The following IGLL5 variants were observed in gnomAD, a reference collection of about 807,000 sequenced individuals.
The protein encoded by IGLL5 is immunoglobulin lambda-like polypeptide 5.
A neutral mutation model predicts 20.9 loss-of-function variants in IGLL5; 30 were observed. That is an observed-to-expected ratio of 1.44 (90% CI 1.07 to 1.95). IGLL5 has a LOEUF of 1.95. IGLL5 is among the 30% of genes most tolerant of loss of function. IGLL5 has a pLI of 0.00. For missense variants in IGLL5, 475 were observed against 270.7 expected, an observed-to-expected ratio of 1.75 and a Z score of -5.30; for synonymous variants, 203 against 117.3, an observed-to-expected ratio of 1.73 and a Z score of -4.72.
chr22:22,894,081 G>A (rs541246711), intron 2 of IGLL5, among the ~76,000 whole-genome samples: 11 of 151,406 alleles, frequency 7.3e-5, no homozygotes, highest in Middle Eastern at 3.7e-3. Context: ...CTCTTCCAGG[G>A]CAGATGTCTG....
intron 1 of IGLL5, among the ~76,000 whole-genome samples, chr22:22,888,751 AAATGCTTACTGGGGCCAGGCTC>A: frequency 6.6e-6 from 1 of 151,262 alleles, no homozygotes; most frequent in Non-Finnish European, 1.5e-5. Context: ...ACTTGCACAT[AAATGCTTACTGGGGCCAGGCTC>A]AAGGACACAG....
chr22:22,893,924 C>CACTGACAT, intron 2 of IGLL5, 106 bp downstream of exon 2: 1 of 825,252 alleles, frequency 1.2e-6, no homozygotes, highest in Admixed American at 1.8e-5. Context: ...CAGCCTTAAG[C>CACTGACAT]ACTGACCCTT....
intron 1 of IGLL5, 136 bp downstream of exon 1, chr22:22,888,395 T>G (rs565327649): frequency 1.5e-5 from 10 of 678,996 alleles, no homozygotes; most frequent in Middle Eastern, 4.2e-4. Flanking sequence ...CTGGCTTTAG[T>G]AATGGGTTGA....
intron 2 of IGLL5, among the ~76,000 whole-genome samples, chr22:22,895,032 G>T (rs534008893): frequency 6.6e-6 from 1 of 151,474 alleles, no homozygotes; most frequent in African/African-American, 2.4e-5. Context: ...GGATGGAAAT[G>T]AGGGATCCAG....
chr22:22,894,035 C>T (rs964313764), intron 2 of IGLL5, among the ~76,000 whole-genome samples: 2 of 150,390 alleles, frequency 1.3e-5, no homozygotes, highest in East Asian at 2.0e-4. Flanking sequence ...GGTCCCGGGG[C>T]CTGAGCTGGG....
chr22:22,888,565 G>T (rs2067616181), intron 1 of IGLL5, among the ~76,000 whole-genome samples: 1 of 151,260 alleles, frequency 6.6e-6, no homozygotes, highest in African/African-American at 2.4e-5. Context: ...AGGAACAGAG[G>T]CAGGGACAGG....
intron 2 of IGLL5, among the ~76,000 whole-genome samples, chr22:22,895,153 G>A (rs2066727863): frequency 6.6e-6 from 1 of 151,390 alleles, no homozygotes; most frequent in Non-Finnish European, 1.5e-5. Flanking sequence ...GCTGGGCCAG[G>A]ACACCTGTGA....
chr22:22,894,490 G>A (rs1319934657), intron 2 of IGLL5, among the ~76,000 whole-genome samples: 1 of 151,440 alleles, frequency 6.6e-6, no homozygotes, highest in Admixed American at 6.6e-5. Flanking sequence ...TCTTAGGGCA[G>A]AGATGTGTCT....
At position 22,888,238 on chromosome 22, in the gene IGLL5, G is replaced by C. The variant is rs751510190; in HGVS notation, c.185G>C (p.Ser62Thr). The C allele has an allele frequency of 3.9e-6, 6 of 1,547,914 alleles. No individual in the cohort carries two copies. Among genetic ancestry groups the C allele is most frequent in the East Asian group, 2.5e-5 (1 of 40,602 alleles). Residue 62 changes from serine (S) to threonine (T), a missense_variant, in exon 1 of 3, where the codon AGC becomes ACC. Physicochemically the swap from Ser to Thr is moderately conservative, Grantham distance 58. Transcript: ENST00000526893. ...PGASVGSSRS[S>T]LRSLWGRLLL... The stretch of plus-strand genomic sequence containing the variant: ...GCCTCAGTTGGAAGCAGCCGATCCA[G>C]CCTGCGGAGCCTGTGGGGCAGGTAA...
At chr22:22,894,039 A>C (rs2067971666) in intron 2 of IGLL5, among the ~76,000 whole-genome samples, 1 of 150,526 alleles carries the variant, frequency 6.6e-6, no homozygotes, top group African/African-American at 2.5e-5. Flanking sequence ...CCGGGGCCTG[A>C]GCTGGGATTG....
At chr22:22,890,143 G>C (rs1601611235) in intron 1 of IGLL5, among the ~76,000 whole-genome samples, 1 of 136,310 alleles carries the variant, frequency 7.3e-6, no homozygotes, top group African/African-American at 2.8e-5. Context: ...AATGACTTTT[G>C]TACATTACTC....
At chr22:22,889,763 A>G (rs1406536068) in intron 1 of IGLL5, among the ~76,000 whole-genome samples, 3 of 151,282 alleles carry the variant, frequency 2.0e-5, no homozygotes, top group South Asian at 2.1e-4. Flanking sequence ...AATTTTGATT[A>G]GGATTATTAT....
chr22:22,890,063 A>G (rs555526143), intron 1 of IGLL5, among the ~76,000 whole-genome samples: 1 of 150,930 alleles, frequency 6.6e-6, no homozygotes, highest in African/African-American at 2.4e-5. Flanking sequence ...TTCTTCTAAT[A>G]TAATTTTTAA....
At chr22:22,889,385 A>G (rs1569082205) in intron 1 of IGLL5, among the ~76,000 whole-genome samples, 2 of 151,282 alleles carry the variant, frequency 1.3e-5, no homozygotes, top group East Asian at 2.0e-4. Context: ...GCGGCGAGTC[A>G]AAAAACAAAG....
At position 22,888,498 on chromosome 22, in the gene IGLL5, T is replaced by C. The variant is rs560881117; in HGVS notation, c.206+239T>C. 4.6e-5 allele frequency among the ~76,000 whole-genome samples: 7 copies of C among 151,404 alleles called. No individual in the cohort carries two copies. The South Asian group carries it at 6.3e-4, about 14-fold the overall frequency. ...GATTTCTGAGTTTTCTGGCGCCACT[T>C]AAATTTTCACCAGGGTCAGTGCCTC... On this transcript the variant is annotated intron_variant, in intron 1 of 2. Coordinates refer to ENST00000526893, the MANE Select transcript of IGLL5 (RefSeq NM_001178126.2).
chr22:22,894,233 AAGAACAGCTGAGGGTCTAGGCT>A (rs2068003379), intron 2 of IGLL5, among the ~76,000 whole-genome samples: 1 of 151,098 alleles, frequency 6.6e-6, no homozygotes, highest in African/African-American at 2.4e-5. Flanking sequence ...GAGCAGCCCC[AAGAACAGCTGAGGGTCTAGGCT>A]GAGGACTGGA....
chr22:22,887,991 C>T lies in IGLL5; in HGVS notation c.-63C>T, dbSNP rs2067556414. Reference sequence around the variant, plus strand: ...GCCCTGCTGGCGAGAGGGACCAGGGCACCGTCCTCCAGGGAGCCCATGCTG... The same window carrying T: ...GCCCTGCTGGCGAGAGGGACCAGGGTACCGTCCTCCAGGGAGCCCATGCTG... On this transcript the variant is annotated 5_prime_UTR_variant, in exon 1 of 3. Transcript: ENST00000526893. The T allele has an allele frequency of 1.5e-6, 2 of 1,324,240 alleles. No homozygotes were observed. Among genetic ancestry groups the T allele is most frequent in the Non-Finnish European group, 2.1e-6 (2 of 941,914 alleles). 82.0% of individuals were successfully genotyped at this position (1,324,240 alleles called of 1,614,324 possible).
chr22:22,895,491 G>C lies in IGLL5; in HGVS notation c.442G>C (p.Val148Leu). The change falls in exon 3 of 3, where the codon GTG (valine) becomes CTG (leucine). Residue 148 changes from valine (V) to leucine (L), a missense_variant. By Grantham distance (32) the Val-to-Leu change is conservative (BLOSUM62 1). Transcript: ENST00000526893. ...ISDFYPGAVTVAWKADGSPVK... is the reference protein window; with the variant it reads ...ISDFYPGAVTLAWKADGSPVK... The stretch of plus-strand genomic sequence containing the variant: ...TGACTTCTACCCGGGAGCTGTGACA[G>C]TGGCCTGGAAGGCAGATGGCAGCCC... 2 of 1,612,766 alleles carry C rather than the reference G, an allele frequency of 1.2e-6. No homozygotes were observed. Among genetic ancestry groups the C allele is most frequent in the Non-Finnish European group, 1.7e-6 (2 of 1,179,598 alleles).
Position 22,895,829 on chromosome 22 carries a change from C to T in IGLL5, c.*135C>T. 1.2e-6 allele frequency: 1 copy of T among 854,082 alleles called. No homozygotes were observed. Among genetic ancestry groups the T allele is most frequent in the Non-Finnish European group, 1.9e-6 (1 of 524,504 alleles). The allele number at this position is 854,082 out of a possible 1,614,324, so 52.9% of individuals were successfully genotyped here. A position where few individuals can be genotyped will look rare whatever the true frequency, so the allele number is the denominator to read the frequency against. ...CCCAATAAATATCCTCATTGACAAC[C>T]AGAAATCTTGTTTTATCTCATTTTT... On this transcript the variant is annotated 3_prime_UTR_variant, in exon 3 of 3. Coordinates refer to ENST00000526893, the MANE Select transcript of IGLL5 (RefSeq NM_001178126.2).
Sources: gnomAD v4.1 joint callset for allele counts (sites outside exome capture counted in the v4.1 genomes callset) on GRCh38, gnomAD v4.1.1 for gene constraint, MANE v1.5 for transcripts, NCBI Gene and HGNC (gene_info 2026-07-23, HGNC 2026-07-21) for gene names.